HELZ2: variants seen among roughly 807,000 people sequenced by gnomAD.
HELZ2 encodes the protein 3'-5' exoribonuclease HELZ2.
Under a neutral mutation model 208.8 loss-of-function variants are expected in HELZ2, and 143 were observed. The ratio of observed to expected loss-of-function variants is 0.68; its 90% CI spans 0.60 to 0.79. The LOEUF is 0.79. Among genes scored for constraint, HELZ2 ranks in the 30% least tolerant of loss-of-function variants. HELZ2 has a pLI of 0.00. For synonymous variants in HELZ2, 1,705 were observed against 1,693.7 expected, an observed-to-expected ratio of 1.01 and a Z score of -0.16; for missense variants, 3,690 against 3,794.5, an observed-to-expected ratio of 0.97 and a Z score of 0.72.
At chr20:63,566,448 A>G (rs1390131050) in exon 7 of HELZ2, 1 of 1,548,336 alleles carries the variant, frequency 6.5e-7, no homozygotes, top group East Asian at 2.4e-5. Context: ...GCCTCAGTGC[A>G]CTGACCTGAA....
exon 4 of HELZ2, chr20:63,569,642 C>T (rs1300407933): frequency 5.8e-6 from 9 of 1,541,054 alleles, no homozygotes; most frequent in Non-Finnish European, 7.9e-6. Flanking sequence ...CCTGCTTCAG[C>T]AGGGCCACGT....
chr20:63,572,546 A>G, upstream of HELZ2: 1 of 744,508 alleles, frequency 1.3e-6, no homozygotes, highest in Non-Finnish European at 2.1e-6. Context: ...CACGTGGGCC[A>G]GGAGGGAGGG....
exon 1 of HELZ2, chr20:63,572,172 G>T (rs1322618088): frequency 1.2e-6 from 2 of 1,610,686 alleles, no homozygotes; most frequent in South Asian, 1.1e-5. Context: ...GGCAGGGCCT[G>T]GTCGAAGGCC....
chr20:63,569,413 G>A lies in HELZ2; in HGVS notation c.823C>T (p.Arg275Cys), dbSNP rs375857852. Reference sequence around the variant, plus strand: ...AGATTCCTGCAGGGTCCTGGGCGACGCCCCTGGCCCAGCTGCAGCCCCAGC... The same window carrying A: ...AGATTCCTGCAGGGTCCTGGGCGACACCCCTGGCCCAGCTGCAGCCCCAGC... The change falls in exon 4 of 19, where the codon CGT becomes TGT. Residue 275 changes from arginine (R) to cysteine (C), a missense_variant. By Grantham distance (180) the Arg-to-Cys change is radical. Coordinates refer to ENST00000467148, the Ensembl canonical transcript of HELZ2. 68 of 1,608,038 alleles carry A rather than the reference G, an allele frequency of 4.2e-5. 1 individual carries two copies. The South Asian group carries it at 5.7e-4, about 14-fold the overall frequency.
At chr20:63,562,032 G>A (rs1378657641) in intron 10 of HELZ2, 40 bp downstream of exon 11, 2 of 1,601,378 alleles carry the variant, frequency 1.2e-6, no homozygotes, top group Non-Finnish European at 8.5e-7. Context: ...GGGTCCCTGT[G>A]GCCCAAGGCA....
chr20:63,562,928 G>A (rs1420201598), exon 8 of HELZ2: 2 of 1,593,518 alleles, frequency 1.3e-6, no homozygotes, highest in Non-Finnish European at 8.5e-7. Context: ...GTGCTGAAGT[G>A]TGACGGAGTC....
chr20:63,563,521 G>T, exon 8 of HELZ2: 1 of 1,512,712 alleles, frequency 6.6e-7, no homozygotes, highest in African/African-American at 1.4e-5. Flanking sequence ...CGGGGCAGGG[G>T]TCAGGCAGCG....
chr20:63,563,462 C>A, exon 8 of HELZ2: 2 of 1,522,998 alleles, frequency 1.3e-6, no homozygotes, highest in South Asian at 1.2e-5. Flanking sequence ...GCCCGGCCGG[C>A]CTGCCAGGGC....
chr20:63,561,530 G>T, intron 12 of HELZ2, 64 bp from the exon 14 acceptor site: 3 of 1,574,968 alleles, frequency 1.9e-6, no homozygotes, highest in Non-Finnish European at 1.7e-6. Flanking sequence ...AGCTCAGTGA[G>T]ACCCACCTAC....
exon 8 of HELZ2, chr20:63,563,263 C>T (rs777206475): frequency 1.5e-5 from 23 of 1,557,206 alleles, no homozygotes; most frequent in South Asian, 3.5e-5. Context: ...GCCGCTGGGA[C>T]GCCTCGCCCT....
chr20:63,565,094 C>T lies in HELZ2; in HGVS notation c.3728G>A (p.Arg1243Gln), dbSNP rs759835133. 42 of 1,563,602 alleles carry T rather than the reference C, an allele frequency of 2.7e-5. No individual in the cohort carries two copies. Among genetic ancestry groups the T allele is most frequent in the South Asian group, 2.2e-4 (19 of 86,118 alleles). ...CCCCACACGCTGCAGCCGGCCCTTC[C>T]GGAGGCTGTAGATGGGGACCTGCGA... Residue 1243 changes from arginine (R) to glutamine (Q), a missense_variant, in exon 8 of 19, where the codon CGG becomes CAG. Physicochemically the swap from Arg to Gln is conservative, Grantham distance 43. This residue lies in a region of HELZ2 where 2,564 missense variants were observed against 2,580.5 expected (regional missense o/e 0.99). Transcript: ENST00000467148.
intron 5 of HELZ2, chr20:63,568,023 G>T (rs755370890): frequency 1.9e-6 from 1 of 534,690 alleles, no homozygotes; most frequent in Non-Finnish European, 3.3e-6. Flanking sequence ...ATAAACCAAA[G>T]GGGAACCTTG....
exon 5 of HELZ2, chr20:63,568,455 G>T (rs751513950): frequency 1.2e-6 from 2 of 1,600,334 alleles, no homozygotes; most frequent in Non-Finnish European, 1.7e-6. Context: ...GTGCCAAAGG[G>T]GCCATAGATG....
At chr20:63,564,927 T>C in exon 8 of HELZ2, 1 of 1,611,374 alleles carries the variant, frequency 6.2e-7, no homozygotes, top group Non-Finnish European at 8.5e-7. Flanking sequence ...AGGCCGAGGA[T>C]GCGGAGGCCC....
At chr20:63,565,208 A>C in exon 8 of HELZ2, 1 of 1,608,526 alleles carries the variant, frequency 6.2e-7, no homozygotes, top group Non-Finnish European at 8.5e-7. Context: ...CATGCGGCAC[A>C]CAAACGCCAG....
At chr20:63,571,960 G>C in intron 1 of HELZ2, 148 bp downstream of exon 2, 4 of 811,786 alleles carry the variant, frequency 4.9e-6, no homozygotes, top group South Asian at 3.9e-5. Context: ...CTCTGCCTAC[G>C]GTGGGCTCCT....
At chr20:63,565,436 T>G (rs80298423) in exon 8 of HELZ2, 1 of 1,610,338 alleles carries the variant, frequency 6.2e-7, no homozygotes. Flanking sequence ...GCAGTGGCGG[T>G]ACCGCTCGGG....
At chr20:63,572,594 A>G, upstream of HELZ2, 1 of 561,822 alleles carries the variant, frequency 1.8e-6, no homozygotes, top group Non-Finnish European at 3.1e-6. Context: ...CTGGGGGTCC[A>G]CGCGACAGAT....
At chr20:63,570,532 T>C (rs1401467620) in exon 3 of HELZ2, 5 of 1,613,282 alleles carry the variant, frequency 3.1e-6, no homozygotes, top group Non-Finnish European at 4.2e-6. Flanking sequence ...CGTCCAGCTG[T>C]ACTGGGTCTT....
Sources: allele counts gnomAD v4.1 joint callset, GRCh38; gene constraint gnomAD v4.1.1; regional missense constraint gnomAD v4.1.1; transcripts MANE v1.5; gene names NCBI Gene and HGNC (gene_info 2026-07-23, HGNC 2026-07-21).